Variants in LBH observed in about 807,000 individuals in gnomAD.
LBH encodes the protein LBH regulator of Wnt signaling pathway, also known as protein LBH.
A neutral mutation model predicts 12.5 loss-of-function variants in LBH; 7 were observed. The observed-to-expected ratio is 0.56, with a 90% CI of 0.32 to 1.05. LBH has a LOEUF of 1.05. Among genes scored for constraint, LBH ranks in the 50% least tolerant of loss-of-function variants. LBH has a pLI of 0.04. For synonymous variants in LBH, 51 were observed against 50.1 expected (o/e 1.02, Z -0.08); for missense variants, 119 against 138.9 (o/e 0.86, Z 0.72).
rs1428458070 is a variant in LBH, at chr2:30,231,638, C to G, written c.-101C>G. 34 of 1,246,246 alleles carry G rather than the reference C, an allele frequency of 2.7e-5. No individual in the cohort carries two copies. The highest frequency in any genetic ancestry group is 1.9e-4 in the Middle Eastern group (1 of 5,204). The allele number at this position is 1,246,246 out of a possible 1,614,324, so 77.2% of individuals were successfully genotyped here. Reference sequence around the variant, plus strand: ...ACGGCGAGCGCCCGGTGTCCGCACTCGGCCGCCTGCCGTGCCCGTCTGCGC... The same window carrying G: ...ACGGCGAGCGCCCGGTGTCCGCACTGGGCCGCCTGCCGTGCCCGTCTGCGC... On this transcript the variant is annotated 5_prime_UTR_variant, in exon 1 of 3. Transcript: ENST00000395323.
At chr2:30,238,798 C>T (rs1016092443) in intron 2 of LBH, among the ~76,000 whole-genome samples, 6 of 151,976 alleles carry the variant, frequency 3.9e-5, no homozygotes, top group East Asian at 1.9e-4. Flanking sequence ...TGTGGGTGGA[C>T]GACCAGCCTT....
At chr2:30,232,598 C>G in intron 1 of LBH, 1 of 171,350 alleles carries the variant, frequency 5.8e-6, no homozygotes. Context: ...CTCTCAGGTG[C>G]GGACGTGGGG....
At chr2:30,246,018 G>A (rs1055877255) in intron 2 of LBH, among the ~76,000 whole-genome samples, 2 of 150,624 alleles carry the variant, frequency 1.3e-5, no homozygotes, top group African/African-American at 4.9e-5. Context: ...GGATGCAGTG[G>A]TGCCATCCCA....
At chr2:30,234,194 A>G (rs1677640017) in intron 1 of LBH, 2 of 564,860 alleles carry the variant, frequency 3.5e-6, no homozygotes, top group African/African-American at 1.9e-5. Context: ...GTCTGCAGAC[A>G]ATGGGCTTTG....
At chr2:30,241,652 G>A (rs899339676) in intron 2 of LBH, among the ~76,000 whole-genome samples, 3 of 151,552 alleles carry the variant, frequency 2.0e-5, no homozygotes, top group African/African-American at 4.8e-5. Flanking sequence ...GAGTAGAGAC[G>A]GGGTCTCACC....
Position 30,257,567 on chromosome 2 carries a change from G to C in LBH, c.264G>C (p.Gln88His), listed in dbSNP as rs1403142862. 30 of 1,614,144 alleles carry C rather than the reference G, an allele frequency of 1.9e-5. No homozygotes were observed. The highest frequency in any genetic ancestry group is 2.4e-5 in the Non-Finnish European group (28 of 1,180,020). Residue 88 changes from glutamine to histidine, a missense_variant, in exon 3 of 3, where the codon CAG becomes CAC. Physicochemically the swap from Gln to His is conservative, Grantham distance 24 (BLOSUM62 0). Coordinates refer to ENST00000395323, the MANE Select transcript of LBH (RefSeq NM_030915.4). ...LRWPPEEFLV[Q>H]EDEQDNCEET... The stretch of plus-strand genomic sequence containing the variant: ...GGCCCCCTGAGGAGTTCCTGGTCCA[G>C]GAGGATGAGCAAGATAACTGCGAAG...
rs1261294133 is a variant in LBH, at chr2:30,234,527, C to G, written c.129+20C>G. ...TACCAGGTGAGTAAGTCCTGGCTCC[C>G]CTCTGACTCTCTAGAGCCTAGTGGT... On this transcript the variant is annotated intron_variant, in intron 2 of 2. Coordinates refer to ENST00000395323, the MANE Select transcript of LBH (RefSeq NM_030915.4). 1 of 1,566,002 alleles carries G rather than the reference C, an allele frequency of 6.4e-7. No homozygotes were observed. The highest frequency in any genetic ancestry group is 8.8e-7 in the Non-Finnish European group (1 of 1,136,216).
chr2:30,252,050 G>A (rs1360361374), intron 2 of LBH, among the ~76,000 whole-genome samples: 1 of 152,164 alleles, frequency 6.6e-6, no homozygotes, highest in Non-Finnish European at 1.5e-5. Context: ...TGCAAAGGAT[G>A]GAACTTGGTG....
chr2:30,233,439 C>G (rs1208387087), intron 1 of LBH, among the ~76,000 whole-genome samples: 3 of 152,228 alleles, frequency 2.0e-5, no homozygotes, highest in African/African-American at 7.2e-5. Context: ...GCATCTGGTA[C>G]CCCTGTTTCC....
chr2:30,231,930 T>TGGGGGGGGG (rs1677593585), intron 1 of LBH, among the ~76,000 whole-genome samples, 166 bp downstream of exon 1: 1 of 30,120 alleles, frequency 3.3e-5, no homozygotes, highest in Non-Finnish European at 6.5e-5. Context: ...GTTGCAAAGG[T>TGGGGGGGGG]GGGGGTGGGG....
At chr2:30,250,910 C>T (rs141523783) in intron 2 of LBH, among the ~76,000 whole-genome samples, 4,242 of 151,980 alleles carry the variant, frequency 0.028, 77 homozygotes, top group Middle Eastern at 0.092. Flanking sequence ...ATCAATCCAA[C>T]GAGGCAGCCA....
intron 2 of LBH, among the ~76,000 whole-genome samples, chr2:30,239,183 C>G (rs138679173): frequency 1.3e-5 from 2 of 152,172 alleles, no homozygotes; most frequent in African/African-American, 2.4e-5. Flanking sequence ...GGCGGTAGCT[C>G]GGAAACCCCT....
intron 2 of LBH, chr2:30,256,558 C>CCCAG (rs1157665170): frequency 6.6e-6 from 1 of 152,214 alleles, no homozygotes; most frequent in Non-Finnish European, 1.5e-5. Flanking sequence ...CGCTCTGTCG[C>CCCAG]CCAGACTGGA....
intron 2 of LBH, among the ~76,000 whole-genome samples, chr2:30,241,050 C>T (rs139431989): frequency 1.3e-5 from 2 of 152,318 alleles, no homozygotes; most frequent in African/African-American, 4.8e-5. Flanking sequence ...CATCTTCCAG[C>T]TTTTCTTAGG....
chr2:30,234,719 A>G (rs1007389585), intron 2 of LBH, among the ~76,000 whole-genome samples: 1 of 152,226 alleles, frequency 6.6e-6, no homozygotes, highest in African/African-American at 2.4e-5. Flanking sequence ...ATTCACCATG[A>G]CAAGTGGATG....
intron 2 of LBH, among the ~76,000 whole-genome samples, chr2:30,250,308 A>C (rs560467793): frequency 6.7e-6 from 1 of 149,884 alleles, no homozygotes; most frequent in Non-Finnish European, 1.5e-5. Context: ...TCCTCTTTCC[A>C]CCTTTGCAAA....
chr2:30,252,267 T>G (rs1299225649), intron 2 of LBH, among the ~76,000 whole-genome samples: 1 of 152,218 alleles, frequency 6.6e-6, no homozygotes, highest in Non-Finnish European at 1.5e-5. Context: ...CACTTCTCTC[T>G]CCTGCCACCT....
intron 1 of LBH, chr2:30,232,655 G>A (rs1346764895): frequency 1.3e-5 from 2 of 157,174 alleles, no homozygotes; most frequent in African/African-American, 4.8e-5. Flanking sequence ...GGGAAAACCG[G>A]CGCAAGCCGC....
intron 2 of LBH, among the ~76,000 whole-genome samples, chr2:30,241,522 C>A (rs536364560): frequency 1.4e-5 from 2 of 141,662 alleles, no homozygotes; most frequent in African/African-American, 5.2e-5. Flanking sequence ...TGCAATGGTG[C>A]GATCTCAGCT....
Sources: allele counts gnomAD v4.1 joint callset (sites outside exome capture counted in the v4.1 genomes callset), GRCh38; gene constraint gnomAD v4.1.1; transcripts MANE v1.5; gene names NCBI Gene and HGNC (gene_info 2026-07-23, HGNC 2026-07-21).